Variants in CRYBB2 observed in about 807,000 individuals in gnomAD.
The protein encoded by CRYBB2 is crystallin beta B2.
In CRYBB2, 12 loss-of-function variants were observed where a neutral mutation model predicts 24.3. The ratio of observed to expected loss-of-function variants is 0.49; its 90% CI spans 0.32 to 0.80. CRYBB2 has a LOEUF of 0.80. Ranked by LOEUF, CRYBB2 falls within the 30% of genes least tolerant of loss-of-function variation. The probability of loss-of-function intolerance (pLI) is 0.04; values close to 1 mark genes in which losing one functional copy is unlikely to be tolerated. For synonymous variants in CRYBB2, 98 were observed against 101.6 expected (o/e 0.96, Z 0.21); for missense variants, 198 against 268.5 (o/e 0.74, Z 1.83).
chr22:25,218,806 G>GAAAGAAAGAA (rs1935260712), upstream of CRYBB2, among the ~76,000 whole-genome samples: 1 of 116,768 alleles, frequency 8.6e-6, no homozygotes, highest in Non-Finnish European at 1.7e-5. Flanking sequence ...AAGAAAGAAA[G>GAAAGAAAGAA]AAAGAAAGAA....
Position 25,221,353 on chromosome 22 carries a change from A to G in CRYBB2, c.-26-51A>G, listed in dbSNP as rs186778947. 2.1e-4 allele frequency: 246 copies of G among 1,167,176 alleles called. No individual in the cohort carries two copies. In the African/African-American group the frequency reaches 2.7e-3, roughly 13 times the overall value. The allele number at this position is 1,167,176 out of a possible 1,614,324, so 72.3% of individuals were successfully genotyped here. A position where few individuals can be genotyped will look rare whatever the true frequency, so the allele number is the denominator to read the frequency against. On this transcript the variant is annotated intron_variant, in intron 1 of 5. Transcript: ENST00000398215. ...GTGGTCTCAAGGCCCCACAGAGTGA[A>G]AAAGCCAGTGGCCCCTCCAGGTCCT... is the stretch of plus-strand genomic sequence containing the variant.
chr22:25,228,031 C>T (rs867684188), intron 4 of CRYBB2, 46 bp downstream of exon 4: 1 of 1,613,324 alleles, frequency 6.2e-7, no homozygotes, highest in Non-Finnish European at 8.5e-7. Context: ...GCCCATCATC[C>T]TACTTTCTCT....
chr22:25,228,989 TG>T lies in CRYBB2; in HGVS notation c.307-444del, dbSNP rs369299834. 4.9e-3 allele frequency among the ~76,000 whole-genome samples: 724 copies of T among 148,570 alleles called. 7 individuals carry two copies. The highest frequency in any genetic ancestry group is 0.017 in the African/African-American group (694 of 39,946). ...GTCCATGTGTGTGTGCACGCATGTG[TG>T]GGTGTGCGTGTGTGTGCAAGTGTGG... On this transcript the variant is annotated intron_variant, in intron 4 of 5. Transcript: ENST00000398215.
chr22:25,216,803 C>T (rs1312720586), upstream of CRYBB2, among the ~76,000 whole-genome samples: 1 of 152,196 alleles, frequency 6.6e-6, no homozygotes, highest in African/African-American at 2.4e-5. Flanking sequence ...TCCCAGCCCC[C>T]AGTAACCTCT....
At chr22:25,229,218 A>C (rs1601423196) in intron 4 of CRYBB2, among the ~76,000 whole-genome samples, 1 of 152,156 alleles carries the variant, frequency 6.6e-6, no homozygotes, top group African/African-American at 2.4e-5. Flanking sequence ...ACATTCCCCA[A>C]AGTGTTGCAG....
At chr22:25,217,068 T>C (rs1935179594), upstream of CRYBB2, among the ~76,000 whole-genome samples, 1 of 152,228 alleles carries the variant, frequency 6.6e-6, no homozygotes, top group African/African-American at 2.4e-5. Flanking sequence ...TTGTGAATAA[T>C]GCTGCTATGA....
chr22:25,221,911 G>C (rs535070855), intron 2 of CRYBB2, among the ~76,000 whole-genome samples: 1 of 152,338 alleles, frequency 6.6e-6, no homozygotes, highest in East Asian at 1.9e-4. Flanking sequence ...TATAAAAGGA[G>C]GAGTCAGATT....
At chr22:25,218,615 G>A (rs559808321), upstream of CRYBB2, among the ~76,000 whole-genome samples, 99 of 149,886 alleles carry the variant, frequency 6.6e-4, no homozygotes, top group Non-Finnish European at 1.2e-3. Flanking sequence ...GCAGTGAGCC[G>A]AGATCACACC....
chr22:25,223,875 C>T (rs1186622501), intron 2 of CRYBB2, among the ~76,000 whole-genome samples: 2 of 152,114 alleles, frequency 1.3e-5, no homozygotes, highest in Non-Finnish European at 2.9e-5. Flanking sequence ...AATCTCAACA[C>T]TTTGGGAGGC....
At chr22:25,222,928 T>C (rs1418912300) in intron 2 of CRYBB2, among the ~76,000 whole-genome samples, 2 of 152,256 alleles carry the variant, frequency 1.3e-5, no homozygotes, top group African/African-American at 4.8e-5. Context: ...GTTACGCTTA[T>C]AGCACAGTAT....
intron 2 of CRYBB2, among the ~76,000 whole-genome samples, chr22:25,224,324 A>C (rs1935375359): frequency 6.6e-6 from 1 of 152,036 alleles, no homozygotes; most frequent in Non-Finnish European, 1.5e-5. Context: ...TGCTGCTTCC[A>C]TTTCAGCTGC....
At chr22:25,229,680 C>T in intron 5 of CRYBB2, 102 bp downstream of exon 5, 1 of 1,503,624 alleles carries the variant, frequency 6.7e-7, no homozygotes, top group Non-Finnish European at 9.1e-7. Flanking sequence ...TTGCACACAT[C>T]AGTGTGCTCT....
At position 25,227,920 on chromosome 22, in the gene CRYBB2, C is replaced by T. The variant is rs201509994; in HGVS notation, c.241C>T (p.Arg81Cys). 1.0e-4 allele frequency: 166 copies of T among 1,614,160 alleles called. 1 individual carries two copies. The South Asian group carries it at 1.3e-3, about 13-fold the overall frequency. Residue 81 changes from arginine to cysteine, a missense_variant, in exon 4 of 6, where the codon CGC (arginine) becomes TGC (cysteine). Physicochemically the swap from Arg to Cys is radical, Grantham distance 180 (BLOSUM62 -3). Transcript: ENST00000398215. ...QFVFEKGEYP[R>C]WDSWTSSRRT... The stretch of plus-strand genomic sequence containing the variant: ...TGTGTTTGAGAAGGGTGAGTACCCC[C>T]GCTGGGACTCATGGACCAGCAGCCG...
Position 25,221,416 on chromosome 22 carries a change from C to T in CRYBB2, c.-14C>T, listed in dbSNP as rs751329336. ...CCATGTCTTCCAGGTCATTCCTGCA[C>T]AGGACAGTCCACCATGGCCTCAGAT... On this transcript the variant is annotated 5_prime_UTR_variant, in exon 2 of 6. Transcript: ENST00000398215. 3 of 1,612,604 alleles carry T rather than the reference C, an allele frequency of 1.9e-6. No individual in the cohort carries two copies. Among genetic ancestry groups the T allele is most frequent in the Non-Finnish European group, 1.7e-6 (2 of 1,178,618 alleles).
At chr22:25,220,031 G>A (rs150727443) in intron 1 of CRYBB2, among the ~76,000 whole-genome samples, 7 of 152,176 alleles carry the variant, frequency 4.6e-5, no homozygotes, top group African/African-American at 1.7e-4. Flanking sequence ...TTTCTAGGTG[G>A]GTGAGTCAGT....
At chr22:25,219,935 A>G (rs1935290715) in intron 1 of CRYBB2, among the ~76,000 whole-genome samples, 1 of 152,142 alleles carries the variant, frequency 6.6e-6, no homozygotes, top group African/African-American at 2.4e-5. Flanking sequence ...TAAACAGACT[A>G]TCAGCATCCT....
chr22:25,231,228 T>C (rs1935525952), intron 5 of CRYBB2, among the ~76,000 whole-genome samples: 1 of 152,120 alleles, frequency 6.6e-6, no homozygotes, highest in South Asian at 2.1e-4. Context: ...GTAGCTGGGC[T>C]TGGAGGTGGG....
upstream of CRYBB2, among the ~76,000 whole-genome samples, chr22:25,212,334 A>G (rs550422459): frequency 1.3e-5 from 2 of 152,374 alleles, no homozygotes; most frequent in East Asian, 3.9e-4. Flanking sequence ...AGAGAGTCCA[A>G]GTGAAAGCCC....
rs1217407979 is a variant in CRYBB2 at position 25,231,699 on chromosome 22, C to T, written c.545C>T (p.Pro182Leu). The change falls in exon 6 of 6, where the codon CCC (proline) becomes CTC (leucine). Residue 182 changes from proline (P) to leucine (L), a missense_variant. Transcript: ENST00000398215. ...KDSSDFGAPHPQVQSVRRIRD... is the reference protein window; with the variant it reads ...KDSSDFGAPHLQVQSVRRIRD... ...AGCAGCGACTTTGGGGCCCCTCACCCCCAGGTGCAGTCCGTGCGCCGTATC... is the reference window on the plus strand; with the variant it reads ...AGCAGCGACTTTGGGGCCCCTCACCTCCAGGTGCAGTCCGTGCGCCGTATC... The T allele has an allele frequency of 4.3e-6, 7 of 1,614,018 alleles. No individual in the cohort carries two copies. Among genetic ancestry groups the T allele is most frequent in the Non-Finnish European group, 5.9e-6 (7 of 1,180,028 alleles).
Sources: gnomAD v4.1 joint callset for allele counts (sites outside exome capture counted in the v4.1 genomes callset) on GRCh38, gnomAD v4.1.1 for gene constraint, MANE v1.5 for transcripts, NCBI Gene and HGNC (gene_info 2026-07-23, HGNC 2026-07-21) for gene names.